ADGRL2: variants seen among roughly 807,000 people sequenced by gnomAD.
The protein encoded by ADGRL2 is adhesion G protein-coupled receptor L2, also known as calcium-independent alpha-latrotoxin receptor 2.
In ADGRL2, 44 loss-of-function variants were observed where a neutral mutation model predicts 157.4. That is an observed-to-expected ratio of 0.28 (90% CI 0.22 to 0.36). The LOEUF is 0.36. ADGRL2 is among the 10% of genes least tolerant of loss of function. The pLI is 1.00. For missense variants in ADGRL2, 1,510 were observed against 1,768.9 expected (o/e 0.85, Z 2.63); for synonymous variants, 585 against 624.7 (o/e 0.94, Z 0.95).
At chr1:81,802,406 T>G (rs1157222595) in intron 1 of ADGRL2, among the ~76,000 whole-genome samples, 1 of 151,676 alleles carries the variant, frequency 6.6e-6, no homozygotes, top group Non-Finnish European at 1.5e-5. Flanking sequence ...GGCTGCTCGC[T>G]CCCTCCCCCC....
chr1:81,950,899 A>G (rs997927763), intron 7 of ADGRL2, 119 bp from the exon 8 acceptor site: 3 of 678,440 alleles, frequency 4.4e-6, no homozygotes, highest in Admixed American at 2.3e-5. Flanking sequence ...TTATTGTCAA[A>G]TACTTGCATT....
At chr1:81,515,080 T>C (rs906330121) in intron 2 of ADGRL2, 1 of 152,216 alleles carries the variant, frequency 6.6e-6, no homozygotes, top group South Asian at 2.1e-4. Flanking sequence ...CCTTCAACAA[T>C]CTCCGTTTAG....
intron 3 of ADGRL2, among the ~76,000 whole-genome samples, chr1:81,601,061 G>A (rs2081324527): frequency 3.3e-5 from 5 of 152,158 alleles, no homozygotes. Context: ...TTGGTGAGAG[G>A]AGGGCATGAC....
rs1657641994 is a variant in ADGRL2, at chr1:81,968,037, T to C, written c.2361T>C (p.Tyr787=). The C allele has an allele frequency of 6.2e-7, 1 of 1,613,794 alleles. No individual in the cohort carries two copies. Among genetic ancestry groups the C allele is most frequent in the African/African-American group, 1.3e-5 (1 of 75,038 alleles). The change falls in exon 14 of 24, where the codon TAT becomes TAC. Residue 787 remains tyrosine, a synonymous_variant. Transcript: ENST00000686636. The part of the protein sequence containing the change: ...FTLPHIDPDN[Y]FNANCSFWNY... ...ATTTTATTTCCCAGCCTGACAATTA[T>C]TTCAATGCAAACTGCTCCTTCTGGA...
At chr1:81,672,593 G>T (rs1419263412) in intron 3 of ADGRL2, among the ~76,000 whole-genome samples, 4 of 152,164 alleles carry the variant, frequency 2.6e-5, no homozygotes, top group Non-Finnish European at 5.9e-5. Flanking sequence ...TGTCATAAAG[G>T]TTATCACTTT....
chr1:81,454,731 C>G (rs1021858506), intron 2 of ADGRL2, among the ~76,000 whole-genome samples: 1 of 152,156 alleles, frequency 6.6e-6, no homozygotes, highest in Non-Finnish European at 1.5e-5. Flanking sequence ...ATATCAAGAG[C>G]GATCCTTTCA....
chr1:81,705,697 G>T (rs1396104885), intron 1 of ADGRL2, among the ~76,000 whole-genome samples: 1 of 150,206 alleles, frequency 6.7e-6, no homozygotes, highest in African/African-American at 2.4e-5. Flanking sequence ...TGGGAGGATC[G>T]CTTGAGGCCA....
intron 2 of ADGRL2, among the ~76,000 whole-genome samples, chr1:81,481,245 A>G (rs2078380017): frequency 6.6e-6 from 1 of 152,220 alleles, no homozygotes; most frequent in East Asian, 1.9e-4. Context: ...ATCAATAAGG[A>G]GATAATTCCG....
intron 1 of ADGRL2, among the ~76,000 whole-genome samples, chr1:81,327,056 A>AGTTGTTTT (rs1397837716): frequency 2.0e-5 from 3 of 152,198 alleles, no homozygotes; most frequent in African/African-American, 7.2e-5. Context: ...AAATGAAATG[A>AGTTGTTTT]GTTGTTTTTT....
rs149340056 is a variant in ADGRL2, at chr1:81,334,337, A to G, written c.-302+27828A>G. ...TATATTACATTTTTTCAGATAAACA[A>G]ACTCTCAAAAGGGTTAGATATTATT... On this transcript the variant is annotated intron_variant, in intron 1 of 24. Coordinates refer to the ADGRL2 transcript ENST00000370721. 4.7e-3 allele frequency among the ~76,000 whole-genome samples: 711 copies of G among 152,280 alleles called. 7 individuals are homozygous for G. The highest frequency in any genetic ancestry group is 0.015 in the African/African-American group (641 of 41,544).
chr1:81,880,084 G>T (rs1404888181), intron 2 of ADGRL2, among the ~76,000 whole-genome samples: 1 of 152,058 alleles, frequency 6.6e-6, no homozygotes, highest in Admixed American at 6.6e-5. Context: ...TTGTATTTTG[G>T]ATCCTCATCC....
Position 81,987,028 on chromosome 1 carries a change from A to T in ADGRL2, c.3636A>T (p.Pro1212=). ...CTTCAGCTCCTGTATTTAACTCACCAGGTGTGCTTTACTTACAAATAAAAC... is the reference window on the plus strand; with the variant it reads ...CTTCAGCTCCTGTATTTAACTCACCTGGTGTGCTTTACTTACAAATAAAAC... ...NAPSAPVFNS[P]ATYRETRHSL... The change falls in exon 22 of 24, where the codon CCA becomes CCT. Residue 1212 remains proline (P), a splice_region_variant and synonymous_variant. Coordinates refer to ENST00000686636, the MANE Select transcript of ADGRL2 (RefSeq NM_001366006.2). 6.2e-7 allele frequency: 1 copy of T among 1,609,290 alleles called. No individual in the cohort carries two copies. Among genetic ancestry groups the T allele is most frequent in the Non-Finnish European group, 8.5e-7 (1 of 1,178,512 alleles).
chr1:81,829,364 A>T (rs1046318251), intron 1 of ADGRL2, among the ~76,000 whole-genome samples: 2 of 152,188 alleles, frequency 1.3e-5, no homozygotes, highest in Non-Finnish European at 2.9e-5. Context: ...CCTTTTCTGT[A>T]CAACTCAAGA....
Position 81,464,873 on chromosome 1 carries a change from A to G in ADGRL2, c.-248+19784A>G, listed in dbSNP as rs190210257. On this transcript the variant is annotated intron_variant, in intron 2 of 24. Coordinates refer to the ADGRL2 transcript ENST00000370721. ...TGATATTCAAAGACAGCAGAGTTCA[A>G]AAAGGTCCAGGGGAAGAGAAGGCTG... Among the ~76,000 whole-genome samples the G allele has an allele frequency of 2.0e-3, 301 of 152,046 alleles. 3 individuals carry two copies. Among genetic ancestry groups the G allele is most frequent in the Non-Finnish European group, 3.7e-3 (249 of 67,966 alleles).
At chr1:81,707,623 C>T (rs540287) in intron 1 of ADGRL2, among the ~76,000 whole-genome samples, 61,785 of 151,734 alleles carry the variant, frequency 0.41, 12,608 homozygotes, top group Admixed American at 0.45. Flanking sequence ...TATCTTTCCT[C>T]GGCTTTTGCT....
intron 2 of ADGRL2, chr1:81,557,522 A>AAAGAAAGAG (rs1553123760): frequency 6.6e-6 from 1 of 150,876 alleles, no homozygotes. Context: ...AGAAAGAAAG[A>AAAGAAAGAG]AAGAGAAGAA....
chr1:81,952,173 A>G (rs781483685), intron 9 of ADGRL2, 31 bp downstream of exon 9: 2 of 1,545,220 alleles, frequency 1.3e-6, no homozygotes, highest in South Asian at 1.2e-5. Context: ...ATTTTGAATT[A>G]GACACTTGGT....
At chr1:81,793,610 T>A (rs527375651) in intron 2 of ADGRL2, among the ~76,000 whole-genome samples, 7 of 152,212 alleles carry the variant, frequency 4.6e-5, no homozygotes, top group African/African-American at 1.7e-4. Context: ...TTTGATAAGC[T>A]GTAAATATTC....
chr1:81,529,909 G>T (rs560008891), intron 2 of ADGRL2, among the ~76,000 whole-genome samples: 1 of 152,182 alleles, frequency 6.6e-6, no homozygotes, highest in Non-Finnish European at 1.5e-5. Context: ...TATTATTGAG[G>T]AACAAAACCT....
Sources: gnomAD v4.1 joint callset for allele counts (sites outside exome capture counted in the v4.1 genomes callset) on GRCh38, gnomAD v4.1.1 for gene constraint, MANE v1.5 for transcripts, NCBI Gene and HGNC (gene_info 2026-07-23, HGNC 2026-07-21) for gene names.